Variants in PCYT1B observed in about 807,000 individuals in gnomAD.
PCYT1B encodes phosphate cytidylyltransferase 1B, choline.
A neutral mutation model predicts 26.4 loss-of-function variants in PCYT1B; 10 were observed. The observed-to-expected ratio is 0.38, with a 90% CI of 0.23 to 0.64. PCYT1B has a LOEUF of 0.64. PCYT1B is among the 30% of genes least tolerant of loss of function. The pLI is 0.56. For synonymous variants in PCYT1B, 131 were observed against 108.4 expected (o/e 1.21, Z -1.29); for missense variants, 161 against 292.7 (o/e 0.55, Z 3.28).
chrX:24,564,403 A>C (rs1321385954), intron 7 of PCYT1B, among the ~76,000 whole-genome samples: 1 of 105,797 alleles, frequency 9.5e-6, no homozygotes, highest in Non-Finnish European at 1.9e-5. Flanking sequence ...GTCTTGCTGG[A>C]GTGCAGTGGC....
chrX:24,610,176 A>T (rs1026418520), intron 2 of PCYT1B, among the ~76,000 whole-genome samples: 5 of 111,732 alleles, frequency 4.5e-5, no homozygotes, highest in Non-Finnish European at 7.5e-5. Context: ...CTTCTGTTAA[A>T]TGATCTTTAA....
intron 1 of PCYT1B, among the ~76,000 whole-genome samples, chrX:24,623,398 T>TATATATATAA (rs1375541474): frequency 2.2e-5 from 2 of 89,241 alleles, no homozygotes; most frequent in South Asian, 5.6e-4. Flanking sequence ...TATATATATA[T>TATATATATAA]AACTTTAAAT....
upstream of PCYT1B, among the ~76,000 whole-genome samples, chrX:24,651,081 T>C (rs1399672570): frequency 9.0e-6 from 1 of 111,193 alleles, no homozygotes; most frequent in African/African-American, 3.3e-5. Flanking sequence ...AGGAAATATA[T>C]CAAGATGCTA....
chrX:24,616,092 C>T (rs1404904217), intron 2 of PCYT1B, among the ~76,000 whole-genome samples: 2 of 110,962 alleles, frequency 1.8e-5, no homozygotes, highest in Non-Finnish European at 3.8e-5. Flanking sequence ...AGCATCACAT[C>T]GAGCAGATAT....
intron 1 of PCYT1B, among the ~76,000 whole-genome samples, chrX:24,629,581 A>AAAC (rs1925993841): frequency 1.0e-5 from 1 of 99,808 alleles, no homozygotes; most frequent in Non-Finnish European, 2.1e-5. Context: ...AAAAAAAAAA[A>AAAC]AAAAAAAAAC....
Position 24,622,325 on chromosome X carries a change from A to G in PCYT1B, c.118-3241T>C, listed in dbSNP as rs1033738696. On this transcript the variant is annotated intron_variant, in intron 1 of 7. Coordinates refer to ENST00000379144, the MANE Select transcript of PCYT1B (RefSeq NM_004845.5). ...CCTGAGACAATGTTTTTTCAGTCCA[A>G]ACACACCAGATTACAATTAAAAAAA... Among the ~76,000 whole-genome samples, 4 of 111,755 alleles carry G rather than the reference A, an allele frequency of 3.6e-5. No individual in the cohort carries two copies. In the East Asian group the frequency reaches 8.4e-4, roughly 24 times the overall value.
intron 6 of PCYT1B, among the ~76,000 whole-genome samples, chrX:24,577,682 C>G (rs1016935966): frequency 1.8e-5 from 2 of 111,854 alleles, no homozygotes; most frequent in Admixed American, 1.9e-4. Context: ...TTGAAGGTAC[C>G]AATGATCAAT....
chrX:24,671,345 C>G (rs775410066), intron 1 of PCYT1B, among the ~76,000 whole-genome samples: 1,935 of 107,829 alleles, frequency 0.018, 28 homozygotes, highest in African/African-American at 0.032. Context: ...ATGAATGAAT[C>G]AATCAATCAA....
intron 1 of PCYT1B, among the ~76,000 whole-genome samples, chrX:24,659,216 G>A (rs944423358): frequency 8.9e-6 from 1 of 112,006 alleles, no homozygotes; most frequent in African/African-American, 3.2e-5. Context: ...CATTTAGTTT[G>A]TTTGACATTT....
intron 4 of PCYT1B, among the ~76,000 whole-genome samples, chrX:24,589,607 C>T (rs1186719800): frequency 1.8e-5 from 2 of 111,884 alleles, no homozygotes; most frequent in Non-Finnish European, 1.9e-5. Context: ...GTGACAATGA[C>T]ATTTTTGGAG....
At chrX:24,670,100 GAAAGAAAGAAAGA>G (rs1569261871) in intron 1 of PCYT1B, among the ~76,000 whole-genome samples, 883 of 83,803 alleles carry the variant, frequency 0.011, 10 homozygotes, top group South Asian at 0.037. Context: ...AAGAAAGAAA[GAAAGAAAGAAAGA>G]AAGGAAGGAA....
chrX:24,648,403 T>TTCAC (rs1047543257), upstream of PCYT1B, among the ~76,000 whole-genome samples: 2 of 105,988 alleles, frequency 1.9e-5, no homozygotes, highest in African/African-American at 6.9e-5. Context: ...TTTACAGGTA[T>TTCAC]TCACATTCAC....
chrX:24,564,498 G>A (rs1301814725), intron 7 of PCYT1B, among the ~76,000 whole-genome samples: 3 of 109,131 alleles, frequency 2.7e-5, no homozygotes, highest in Non-Finnish European at 5.7e-5. Flanking sequence ...GACTACAGGC[G>A]CCCGCCACCC....
chrX:24,637,071 C>A (rs779495215), intron 1 of PCYT1B, among the ~76,000 whole-genome samples: 1 of 111,125 alleles, frequency 9.0e-6, no homozygotes, highest in Non-Finnish European at 1.9e-5. Context: ...AATGCAACTG[C>A]TGGGTCAAAA....
chrX:24,602,039 C>T (rs1164188498), intron 3 of PCYT1B, among the ~76,000 whole-genome samples: 2 of 112,556 alleles, frequency 1.8e-5, no homozygotes, highest in Non-Finnish European at 1.9e-5. Context: ...ATACAAAAAC[C>T]TCCACATGGA....
At chrX:24,637,509 T>TATATATATATAGATATATATATATATAA (rs779316769) in intron 1 of PCYT1B, among the ~76,000 whole-genome samples, 1 of 64,093 alleles carries the variant, frequency 1.6e-5, no homozygotes, top group Non-Finnish European at 2.4e-5. Context: ...TATATATATA[T>TATATATATATAGATATATATATATATAA]ATAAATTAGC....
Position 24,669,343 on chromosome X carries a change from C to A in PCYT1B, c.63+3227G>T, listed in dbSNP as rs548315424. Among the ~76,000 whole-genome samples, 27 of 108,460 alleles carry A rather than the reference C, an allele frequency of 2.5e-4. No homozygotes were observed. The South Asian group carries it at 9.4e-3, about 38-fold the overall frequency. 94.2% of individuals were successfully genotyped at this position (108,460 alleles called of 115,157 possible). A position where few individuals can be genotyped will look rare whatever the true frequency, so the allele number is the denominator to read the frequency against. ...ACCAGCCTGACCAACATGGCGAAAC[C>A]CCGTCTCTACTAAAAGTACAAAAAT... On this transcript the variant is annotated intron_variant, in intron 1 of 7. Coordinates refer to the PCYT1B transcript ENST00000379145.
In PCYT1B at chrX:24,647,295, C is replaced by G; in HGVS notation, c.-190G>C. 3.8e-6 allele frequency: 4 copies of G among 1,039,348 alleles called. No individual in the cohort carries two copies. Among genetic ancestry groups the G allele is most frequent in the Admixed American group, 4.2e-5 (1 of 23,908 alleles). 85.7% of individuals were successfully genotyped at this position (1,039,348 alleles called of 1,213,427 possible). A position where few individuals can be genotyped will look rare whatever the true frequency, so the allele number is the denominator to read the frequency against. Reference sequence around the variant, plus strand: ...CGCCCCTCTCTCTCTCTCTCTCTCCCAGAAGCCAAGAGGCAAGGCCTCAGT... The same window carrying G: ...CGCCCCTCTCTCTCTCTCTCTCTCCGAGAAGCCAAGAGGCAAGGCCTCAGT... On this transcript the variant is annotated 5_prime_UTR_variant, in exon 1 of 8. Coordinates refer to ENST00000379144, the MANE Select transcript of PCYT1B (RefSeq NM_004845.5).
chrX:24,640,115 C>T (rs1926417517), intron 1 of PCYT1B, among the ~76,000 whole-genome samples: 1 of 111,606 alleles, frequency 9.0e-6, no homozygotes, highest in African/African-American at 3.3e-5. Context: ...ATTTGTCCAC[C>T]TCTGGGTACT....
Sources: gnomAD v4.1 joint callset for allele counts (sites outside exome capture counted in the v4.1 genomes callset) on GRCh38, gnomAD v4.1.1 for gene constraint, MANE v1.5 for transcripts, NCBI Gene and HGNC (gene_info 2026-07-23, HGNC 2026-07-21) for gene names.